The following WDPCP variants were observed in gnomAD, a reference collection of about 807,000 sequenced individuals.
The protein encoded by WDPCP is WD repeat-containing and planar cell polarity effector protein fritz homolog.
In WDPCP, 71 loss-of-function variants were observed where a neutral mutation model predicts 93.1. The ratio of observed to expected loss-of-function variants is 0.76; its 90% CI spans 0.63 to 0.93. The LOEUF is 0.93. Ranked by LOEUF, WDPCP falls within the 40% of genes least tolerant of loss-of-function variation. The pLI is 0.00. For missense variants in WDPCP, 844 were observed against 887.4 expected, an observed-to-expected ratio of 0.95 and a Z score of 0.62; for synonymous variants, 315 against 315.0, an observed-to-expected ratio of 1.00 and a Z score of 0.00.
intron 3 of WDPCP, among the ~76,000 whole-genome samples, chr2:63,601,337 G>C (rs760380611): frequency 6.6e-6 from 1 of 152,192 alleles, no homozygotes; most frequent in East Asian, 1.9e-4. Flanking sequence ...TAGCGACTTA[G>C]GGACTGTTTA....
intron 2 of WDPCP, among the ~76,000 whole-genome samples, chr2:63,762,952 A>T (rs955205941): frequency 6.6e-6 from 1 of 152,204 alleles, no homozygotes; most frequent in African/African-American, 2.4e-5. Flanking sequence ...TTTATAAAAA[A>T]AATTTGCTGA....
intron 3 of WDPCP, among the ~76,000 whole-genome samples, chr2:63,486,986 A>C (rs1700610400): frequency 6.6e-6 from 1 of 152,052 alleles, no homozygotes; most frequent in Non-Finnish European, 1.5e-5. Context: ...ACGGAGACCA[A>C]AACAGGAAGT....
At chr2:63,673,897 T>C (rs1710374314) in intron 2 of WDPCP, among the ~76,000 whole-genome samples, 1 of 152,220 alleles carries the variant, frequency 6.6e-6, no homozygotes, top group South Asian at 2.1e-4. Flanking sequence ...CTCAGGAACC[T>C]GTTCCATTTT....
At chr2:63,369,754 T>C (rs1691226723) in intron 12 of WDPCP, among the ~76,000 whole-genome samples, 1 of 152,156 alleles carries the variant, frequency 6.6e-6, no homozygotes. Context: ...GCAATGCAAA[T>C]GGAACAGAGT....
chr2:63,580,747 T>C (rs553475940), intron 1 of WDPCP, among the ~76,000 whole-genome samples: 1 of 152,312 alleles, frequency 6.6e-6, no homozygotes, highest in South Asian at 2.1e-4. Context: ...CTGAGACAAC[T>C]GGCAGCGTGT....
At chr2:63,663,103 G>A (rs2106634985) in intron 2 of WDPCP, among the ~76,000 whole-genome samples, 1 of 152,270 alleles carries the variant, frequency 6.6e-6, no homozygotes, top group East Asian at 1.9e-4. Context: ...CAATCTGTTG[G>A]CTGCTTTTTT....
At chr2:63,324,036 C>A (rs962603074) in intron 12 of WDPCP, among the ~76,000 whole-genome samples, 3 of 152,010 alleles carry the variant, frequency 2.0e-5, no homozygotes, top group African/African-American at 7.2e-5. Flanking sequence ...ATTTGACCCA[C>A]AAACCCTGAA....
At chr2:63,734,049 T>C (rs1202866677) in intron 2 of WDPCP, among the ~76,000 whole-genome samples, 1 of 152,222 alleles carries the variant, frequency 6.6e-6, no homozygotes, top group African/African-American at 2.4e-5. Context: ...GTTTTTAATG[T>C]CCATCCATGT....
chr2:63,819,242 G>A (rs1046932991), intron 1 of WDPCP, among the ~76,000 whole-genome samples: 1 of 152,104 alleles, frequency 6.6e-6, no homozygotes. Flanking sequence ...TTTTTATCAG[G>A]GGAACTAACA....
chr2:63,809,143 C>T (rs1340670249), intron 2 of WDPCP, among the ~76,000 whole-genome samples: 5 of 150,530 alleles, frequency 3.3e-5, no homozygotes, highest in East Asian at 2.0e-4. Flanking sequence ...CCCCTCCGCC[C>T]GGCAGCCACC....
At chr2:63,596,441 G>C (rs1309839373) in intron 3 of WDPCP, among the ~76,000 whole-genome samples, 3 of 152,268 alleles carry the variant, frequency 2.0e-5, no homozygotes, top group Non-Finnish European at 4.4e-5. Context: ...TTCCAAATCA[G>C]CTTTGCTGCT....
At chr2:63,171,768 C>T (rs547338839) in intron 15 of WDPCP, among the ~76,000 whole-genome samples, 4 of 152,098 alleles carry the variant, frequency 2.6e-5, no homozygotes, top group Non-Finnish European at 5.9e-5. Context: ...TTCATAATAG[C>T]CCCAAAATGG....
At chr2:63,156,563 C>T (rs1429924931) in intron 15 of WDPCP, among the ~76,000 whole-genome samples, 1 of 151,824 alleles carries the variant, frequency 6.6e-6, no homozygotes, top group Non-Finnish European at 1.5e-5. Context: ...TGGTAAAACC[C>T]CATCTCTACT....
chr2:63,607,113 C>T (rs1354695138), intron 3 of WDPCP: 13 of 932,878 alleles, frequency 1.4e-5, no homozygotes, highest in East Asian at 2.8e-5. Flanking sequence ...TTAAAGATTA[C>T]GTGCTTCTTG....
chr2:63,587,173 G>T (rs905072296), intron 1 of WDPCP, among the ~76,000 whole-genome samples: 1 of 152,162 alleles, frequency 6.6e-6, no homozygotes, highest in Non-Finnish European at 1.5e-5. Context: ...TTCAGGACTA[G>T]ACACATAAAT....
At chr2:63,643,547 C>A in intron 3 of WDPCP, 1 of 423,020 alleles carries the variant, frequency 2.4e-6, no homozygotes. Context: ...AGTAATCTTG[C>A]CAGTCTCCAA....
intron 13 of WDPCP, among the ~76,000 whole-genome samples, chr2:63,260,085 C>T (rs1378945635): frequency 6.6e-6 from 1 of 152,046 alleles, no homozygotes; most frequent in African/African-American, 2.4e-5. Context: ...ATAAGAGTCA[C>T]TATAAGAGGG....
chr2:63,374,593 A>T (rs975365871), intron 12 of WDPCP, among the ~76,000 whole-genome samples: 1 of 152,142 alleles, frequency 6.6e-6, no homozygotes, highest in Non-Finnish European at 1.5e-5. Flanking sequence ...TTGCTTAAGA[A>T]CTGTTTTAGT....
In WDPCP at chr2:63,382,059, T is replaced by C. The variant is rs1160883774; in HGVS notation, c.1471A>G (p.Ile491Val). The stretch of plus-strand genomic sequence containing the variant: ...TCACAGTGAATGTACTGGAAGATGA[T>C]GTCTATCAGGCCCAGCTGTCCTCGA... ...FTRGQLGLID[I>V]IFQYIHCDEI... The change falls in exon 11 of 18, where the codon ATC (isoleucine) becomes GTC (valine). Residue 491 changes from isoleucine to valine, a missense_variant. Physicochemically the swap from Ile to Val is conservative, Grantham distance 29. Transcript: ENST00000272321. 4.3e-6 allele frequency: 7 copies of C among 1,613,324 alleles called. No individual in the cohort carries two copies. The highest frequency in any genetic ancestry group is 5.9e-6 in the Non-Finnish European group (7 of 1,179,660).
Sources: gnomAD v4.1 joint callset for allele counts (sites outside exome capture counted in the v4.1 genomes callset) on GRCh38, gnomAD v4.1.1 for gene constraint, MANE v1.5 for transcripts, NCBI Gene and HGNC (gene_info 2026-07-23, HGNC 2026-07-21) for gene names.